ATP2C1: variants seen among roughly 807,000 people sequenced by gnomAD.
ATP2C1 encodes ATPase secretory pathway Ca2+ transporting 1.
A neutral mutation model predicts 120.5 loss-of-function variants in ATP2C1; 31 were observed. The ratio of observed to expected loss-of-function variants is 0.26; its 90% CI spans 0.19 to 0.35. The LOEUF (loss-of-function observed/expected upper bound fraction) is 0.35. Ranked by LOEUF, ATP2C1 falls within the 10% of genes least tolerant of loss-of-function variation. ATP2C1 has a pLI of 1.00. For missense variants in ATP2C1, 731 were observed against 1,107.5 expected (o/e 0.66, Z 4.83); for synonymous variants, 351 against 358.7 (o/e 0.98, Z 0.24).
chr3:130,931,559 A>G (rs538107157), intron 3 of ATP2C1, among the ~76,000 whole-genome samples: 4 of 152,228 alleles, frequency 2.6e-5, no homozygotes, highest in Admixed American at 2.0e-4. Context: ...CGAAACAACA[A>G]TGAAAAGGAA....
intron 12 of ATP2C1, 79 bp downstream of exon 12, chr3:130,959,420 G>A (rs2060721815): frequency 4.4e-6 from 4 of 914,722 alleles, no homozygotes; most frequent in Non-Finnish European, 1.8e-6. Context: ...GTTTTATTAT[G>A]GAGATCAGTA....
At chr3:130,946,270 A>C (rs1273857658) in intron 8 of ATP2C1, among the ~76,000 whole-genome samples, 1 of 152,220 alleles carries the variant, frequency 6.6e-6, no homozygotes, top group East Asian at 1.9e-4. Context: ...ATTCAAACTT[A>C]AGAACACGCC....
intron 1 of ATP2C1, among the ~76,000 whole-genome samples, chr3:130,863,248 T>C (rs73872035): frequency 0.044 from 6,659 of 152,266 alleles, 442 homozygotes; most frequent in African/African-American, 0.15. Context: ...ATAAATAATA[T>C]GTTGAAGATA....
rs149390203 is a variant in ATP2C1, at chr3:130,984,037, TG to T, written c.1839+3359del. ...TTGGGTAAATACTAAGCACAGTTGC[TG>T]AATCAGATCATATGGTAAGAGTATA... On this transcript the variant is annotated intron_variant, in intron 20 of 27. Coordinates refer to ENST00000510168, the MANE Select transcript of ATP2C1 (RefSeq NM_001378687.1). Among the ~76,000 whole-genome samples the T allele has an allele frequency of 8.4e-3, 1,275 of 152,342 alleles. 17 individuals carry two copies. The highest frequency in any genetic ancestry group is 0.029 in the African/African-American group (1,212 of 41,578).
At chr3:130,893,823 G>C (rs1277416921), upstream of ATP2C1, 6 of 604,242 alleles carry the variant, frequency 9.9e-6, no homozygotes, top group Non-Finnish European at 1.2e-5. Context: ...GGAGGCGCCA[G>C]CAAGAACAAG....
intron 1 of ATP2C1, among the ~76,000 whole-genome samples, chr3:130,873,401 C>T (rs187126848): frequency 2.0e-5 from 3 of 152,262 alleles, no homozygotes; most frequent in South Asian, 2.1e-4. Context: ...CTGCTTACTT[C>T]GCAATGTTTT....
Position 130,894,796 on chromosome 3 carries a change from G to T in ATP2C1, c.6+21G>T. On this transcript the variant is annotated intron_variant, in intron 2 of 27. Coordinates refer to ENST00000510168, the MANE Select transcript of ATP2C1 (RefSeq NM_001378687.1). This position sits in a 1 kb window ranked among gnomAD's most constrained non-coding sequence, Gnocchi z 4.5. ...TGAAGGTAAAGGCCCCTGGCCGACCGGTTGCAACGCGGAGTTGAGGGTGTG... is the reference window on the plus strand; with the variant it reads ...TGAAGGTAAAGGCCCCTGGCCGACCTGTTGCAACGCGGAGTTGAGGGTGTG... The T allele has an allele frequency of 6.2e-7, 1 of 1,610,308 alleles. No individual in the cohort carries two copies. The highest frequency in any genetic ancestry group is 1.1e-5 in the South Asian group (1 of 91,014).
At chr3:130,953,057 G>T (rs2108541746) in intron 8 of ATP2C1, among the ~76,000 whole-genome samples, 1 of 151,522 alleles carries the variant, frequency 6.6e-6, no homozygotes, top group South Asian at 2.1e-4. Flanking sequence ...CTTGGCCCTA[G>T]TCCTCTCCCT....
intron 2 of ATP2C1, among the ~76,000 whole-genome samples, chr3:130,905,657 T>C (rs2058087095): frequency 6.6e-6 from 1 of 152,142 alleles, no homozygotes; most frequent in Non-Finnish European, 1.5e-5. Context: ...TCACTTGTTA[T>C]TGTTTGTATG....
rs1488956820 is a variant in ATP2C1 at position 130,894,291 on chromosome 3, C to G, written c.-227C>G. On this transcript the variant is annotated 5_prime_UTR_variant, in exon 1 of 28. Transcript: ENST00000510168. The surrounding 1 kb of genome is among the most constrained non-coding windows in gnomAD (Gnocchi z 4.5). ...GCGCGCGGGGCGCCCCCGCGAGCCC[C>G]GCGGCTGAGACCCCGCAGCCTGGAG... 1 of 986,558 alleles carries G rather than the reference C, an allele frequency of 1.0e-6. No individual in the cohort carries two copies. The highest frequency in any genetic ancestry group is 1.2e-6 in the Non-Finnish European group (1 of 830,718). The allele number at this position is 986,558 out of a possible 1,614,324, so 61.1% of individuals were successfully genotyped here. A position where few individuals can be genotyped will look rare whatever the true frequency, so the allele number is the denominator to read the frequency against.
intron 8 of ATP2C1, among the ~76,000 whole-genome samples, chr3:130,951,260 ATAAT>A (rs1362033724): frequency 3.3e-5 from 5 of 152,182 alleles, no homozygotes; most frequent in Non-Finnish European, 5.9e-5. Flanking sequence ...GATCCTCTAA[ATAAT>A]TAAGAGGAAT....
intron 26 of ATP2C1, chr3:131,014,414 T>TTAA: frequency 6.5e-7 from 1 of 1,537,464 alleles, no homozygotes; most frequent in East Asian, 2.3e-5. Flanking sequence ...AAAAGTATGT[T>TTAA]GTTAAAGAAG....
rs1039512495 is a variant in ATP2C1, at chr3:130,963,442, A to G, written c.900-529A>G. 5 of 157,456 alleles carry G rather than the reference A, an allele frequency of 3.2e-5. 1 individual carries two copies. The highest frequency in any genetic ancestry group is 3.8e-4 in the South Asian group (2 of 5,328). The allele number at this position is 157,456 out of a possible 1,614,324, so 9.8% of individuals were successfully genotyped here. A position where few individuals can be genotyped will look rare whatever the true frequency, so the allele number is the denominator to read the frequency against. Reference sequence around the variant, plus strand: ...TTGTATCTGTCTTTTTTCACTTAGCATAATGTTTTCAAGGTTTATTCATGT... The same window carrying G: ...TTGTATCTGTCTTTTTTCACTTAGCGTAATGTTTTCAAGGTTTATTCATGT... On this transcript the variant is annotated intron_variant, in intron 12 of 27. Transcript: ENST00000510168.
rs955143240 is a variant in ATP2C1 at position 130,953,754 on chromosome 3, G to T, written c.532-67G>T. ...GATGTTTGAGGAAGAAGTGATGATGGTTATGAACTCTAGAGATGTTAAATG... is the reference window on the plus strand; with the variant it reads ...GATGTTTGAGGAAGAAGTGATGATGTTTATGAACTCTAGAGATGTTAAATG... On this transcript the variant is annotated intron_variant, in intron 8 of 27. Coordinates refer to ENST00000510168, the MANE Select transcript of ATP2C1 (RefSeq NM_001378687.1). 2.6e-6 allele frequency: 4 copies of T among 1,531,508 alleles called. No individual in the cohort carries two copies. The African/African-American group carries it at 5.5e-5, about 21-fold the overall frequency. The allele number at this position is 1,531,508 out of a possible 1,614,324, so 94.9% of individuals were successfully genotyped here.
At chr3:130,902,779 G>T (rs1466596357) in intron 2 of ATP2C1, among the ~76,000 whole-genome samples, 1 of 151,554 alleles carries the variant, frequency 6.6e-6, no homozygotes, top group Non-Finnish European at 1.5e-5. Context: ...GCTTTCTTTT[G>T]CTTGTCGGGT....
chr3:130,967,497 T>G lies in ATP2C1; in HGVS notation c.1308+78T>G, dbSNP rs996793965. On this transcript the variant is annotated intron_variant, in intron 16 of 27. Coordinates refer to ENST00000510168, the MANE Select transcript of ATP2C1 (RefSeq NM_001378687.1). ...GAATGCAGTGTCATCAATTTCAGTA[T>G]TACTGGTTTTTAGGTATTGAGTGAA... 8 of 1,214,780 alleles carry G rather than the reference T, an allele frequency of 6.6e-6. No individual in the cohort carries two copies. In the African/African-American group the frequency reaches 1.0e-4, roughly 16 times the overall value. The allele number at this position is 1,214,780 out of a possible 1,614,324, so 75.3% of individuals were successfully genotyped here.
intron 20 of ATP2C1, among the ~76,000 whole-genome samples, chr3:130,981,560 C>A (rs563868795): frequency 3.9e-5 from 6 of 152,190 alleles, no homozygotes; most frequent in African/African-American, 1.4e-4. Flanking sequence ...ATTTTCATAT[C>A]TCTTGGGTAA....
In ATP2C1 at chr3:130,894,712, GC is replaced by G; in HGVS notation, c.-56del. On this transcript the variant is annotated 5_prime_UTR_variant, in exon 2 of 28. It introduces an in-frame stop codon into an upstream open reading frame of the 5' UTR. Transcript: ENST00000510168. This position sits in a 1 kb window ranked among gnomAD's most constrained non-coding sequence, Gnocchi z 4.5. Reference sequence around the variant, plus strand: ...TCCTCTCCTCTCTATTCCCAGTGTGGCCGTGGCTGACACTAAAGACTTTGTA... The same window carrying G: ...TCCTCTCCTCTCTATTCCCAGTGTGGCGTGGCTGACACTAAAGACTTTGTA... 6.2e-7 allele frequency: 1 copy of G among 1,614,092 alleles called. No homozygotes were observed. The highest frequency in any genetic ancestry group is 2.2e-5 in the East Asian group (1 of 44,876).
At chr3:130,983,676 TC>T (rs1361018331) in intron 20 of ATP2C1, among the ~76,000 whole-genome samples, 1 of 152,210 alleles carries the variant, frequency 6.6e-6, no homozygotes, top group Non-Finnish European at 1.5e-5. Flanking sequence ...CCCTCCCCAC[TC>T]CGCTTGAATC....
Sources: gnomAD v4.1 joint callset for allele counts (sites outside exome capture counted in the v4.1 genomes callset) on GRCh38, gnomAD v4.1.1 for gene constraint, Gnocchi (gnomAD v3.1) non-coding constraint, MANE v1.5 for transcripts, NCBI Gene and HGNC (gene_info 2026-07-23, HGNC 2026-07-21) for gene names.